SNX2: variants seen among roughly 807,000 people sequenced by gnomAD.
The protein encoded by SNX2 is sorting nexin 2.
SNX2 carries 25 observed loss-of-function variants against 69.9 expected under a neutral mutation model. That is an observed-to-expected ratio of 0.36 (90% CI 0.26 to 0.50). SNX2 has a LOEUF of 0.50. Among genes scored for constraint, SNX2 ranks in the 20% least tolerant of loss-of-function variants. SNX2 has a pLI of 0.97. For synonymous variants in SNX2, 229 were observed against 200.4 expected (o/e 1.14, Z -1.20); for missense variants, 551 against 613.3 (o/e 0.90, Z 1.07).
In SNX2 at chr5:122,779,434, C is replaced by T. The variant is rs147702587; in HGVS notation, c.108+4223C>T. Among the ~76,000 whole-genome samples the T allele has an allele frequency of 6.3e-4, 96 of 152,248 alleles. No homozygotes were observed. The East Asian group carries it at 0.015, about 23-fold the overall frequency. On this transcript the variant is annotated intron_variant, in intron 1 of 14. Transcript: ENST00000379516. ...TCGTATAATACATGGTCTTTTGTGACGGGCTTTTTTCCTTTAGTACAATGG... is the reference window on the plus strand; with the variant it reads ...TCGTATAATACATGGTCTTTTGTGATGGGCTTTTTTCCTTTAGTACAATGG...
intron 7 of SNX2, 103 bp from the exon 8 acceptor site, chr5:122,815,793 G>T: frequency 1.8e-6 from 1 of 557,764 alleles, no homozygotes; most frequent in Non-Finnish European, 3.2e-6. Flanking sequence ...ATACGAGGTA[G>T]TGAGGACACT....
In SNX2 at chr5:122,829,641, T is replaced by C; in HGVS notation, c.1553T>C (p.Ile518Thr). The stretch of plus-strand genomic sequence containing the variant: ...GCATTCCTACCTGAAGCCAAAGCCA[T>C]TGCCTAGCAATAAGATTGTTGCCGT... Reference protein sequence around the residue: ...WEAFLPEAKAIA With the variant: ...WEAFLPEAKATA The change falls in exon 15 of 15, where the codon ATT becomes ACT. Residue 518 changes from isoleucine to threonine, a missense_variant. Ile to Thr is a moderately conservative substitution (Grantham distance 89). This residue lies in a region of SNX2 where 360 missense variants were observed against 450.4 expected (regional missense o/e 0.80). Transcript: ENST00000379516. 6.2e-7 allele frequency: 1 copy of C among 1,613,278 alleles called. No homozygotes were observed. The highest frequency in any genetic ancestry group is 8.5e-7 in the Non-Finnish European group (1 of 1,179,244).
Position 122,830,943 on chromosome 5 carries a change from A to G in SNX2, c.*1295A>G, listed in dbSNP as rs1451407256. On this transcript the variant is annotated 3_prime_UTR_variant, in exon 15 of 15. Transcript: ENST00000379516. ...AGAATCGCTTGAACCAGGAAGGTGG[A>G]GGTTGCAGTGAGCCAAGATCATGCC... Among the ~76,000 whole-genome samples, 1 of 131,000 alleles carries G rather than the reference A, an allele frequency of 7.6e-6. No individual in the cohort carries two copies. The highest frequency in any genetic ancestry group is 1.6e-5 in the Non-Finnish European group (1 of 64,466). 85.9% of individuals were successfully genotyped at this position (131,000 alleles called of 152,430 possible). A position where few individuals can be genotyped will look rare whatever the true frequency, so the allele number is the denominator to read the frequency against.
rs1039529256 is a variant in SNX2 at position 122,831,943 on chromosome 5, T to C, written c.*2295T>C. Among the ~76,000 whole-genome samples, 1 of 152,214 alleles carries C rather than the reference T, an allele frequency of 6.6e-6. No homozygotes were observed. The highest frequency in any genetic ancestry group is 1.5e-5 in the Non-Finnish European group (1 of 68,024). Reference sequence around the variant, plus strand: ...AGTGTGCTGGAAATTTCAAGTATTATATGAGCCTCTGATACCTACCAGTAT... The same window carrying C: ...AGTGTGCTGGAAATTTCAAGTATTACATGAGCCTCTGATACCTACCAGTAT... On this transcript the variant is annotated 3_prime_UTR_variant, in exon 15 of 15. Transcript: ENST00000379516.
Position 122,775,199 on chromosome 5 carries a change from C to A in SNX2, c.96C>A (p.Val32=). The change falls in exon 1 of 15, where the codon GTC becomes GTA. Residue 32 remains valine (V), a synonymous_variant. Coordinates refer to ENST00000379516, the MANE Select transcript of SNX2 (RefSeq NM_003100.4). ...GAGAGGACCTGTTCACCAGCACTGTCTCCACCCTAGAGGTGAGACCGCGTC... is the reference window on the plus strand; with the variant it reads ...GAGAGGACCTGTTCACCAGCACTGTATCCACCCTAGAGGTGAGACCGCGTC... The part of the protein sequence containing the change: ...EDGEDLFTST[V]STLESSPSSP... The A allele has an allele frequency of 6.3e-7, 1 of 1,580,108 alleles. No individual in the cohort carries two copies. The highest frequency in any genetic ancestry group is 8.6e-7 in the Non-Finnish European group (1 of 1,164,464).
At chr5:122,806,113 C>CGTGTGTGTGTGTGTGT (rs767764868) in intron 6 of SNX2, among the ~76,000 whole-genome samples, 2 of 117,332 alleles carry the variant, frequency 1.7e-5, no homozygotes, top group Admixed American at 8.8e-5. Context: ...TGTGTGTGTG[C>CGTGTGTGTGTGTGTGT]GTGTGTGTAT....
intron 1 of SNX2, among the ~76,000 whole-genome samples, chr5:122,778,551 C>G (rs1380877327): frequency 2.6e-5 from 4 of 152,012 alleles, no homozygotes; most frequent in African/African-American, 9.7e-5. Flanking sequence ...CTCTGTCACC[C>G]AGGGTGGAGT....
At chr5:122,779,311 C>T (rs760305080) in intron 1 of SNX2, among the ~76,000 whole-genome samples, 11 of 152,150 alleles carry the variant, frequency 7.2e-5, no homozygotes, top group African/African-American at 1.2e-4. Context: ...TATCATCCCA[C>T]GCCTTAATTC....
intron 1 of SNX2, among the ~76,000 whole-genome samples, chr5:122,779,829 C>G (rs973176811): frequency 6.6e-6 from 1 of 152,084 alleles, no homozygotes; most frequent in Non-Finnish European, 1.5e-5. Context: ...CTGCTCCTAT[C>G]AACCCATCAC....
chr5:122,781,824 A>G (rs138609200), intron 1 of SNX2, among the ~76,000 whole-genome samples: 48 of 152,182 alleles, frequency 3.2e-4, no homozygotes, highest in African/African-American at 9.6e-4. Context: ...ATATATACCT[A>G]TGTAAAGATT....
At position 122,815,259 on chromosome 5, in the gene SNX2, A is replaced by G. The variant is rs955682123; in HGVS notation, c.723-637A>G. On this transcript the variant is annotated intron_variant, in intron 7 of 14. Coordinates refer to ENST00000379516, the MANE Select transcript of SNX2 (RefSeq NM_003100.4). ...GTGGTATTCGTTTATTTGATTTTGT[A>G]TGGTATCAAATTAGATAAGACATTT... 2.0e-5 allele frequency among the ~76,000 whole-genome samples: 3 copies of G among 152,130 alleles called. No homozygotes were observed. The East Asian group carries it at 5.8e-4, about 29-fold the overall frequency.
At chr5:122,777,761 T>G (rs1285242968) in intron 1 of SNX2, among the ~76,000 whole-genome samples, 1 of 152,246 alleles carries the variant, frequency 6.6e-6, no homozygotes, top group East Asian at 1.9e-4. Flanking sequence ...TTTCAGTACC[T>G]GTGTACAATG....
At chr5:122,775,323 G>A (rs1174912867) in intron 1 of SNX2, 112 bp downstream of exon 1, 33 of 1,415,644 alleles carry the variant, frequency 2.3e-5, no homozygotes, top group Middle Eastern at 4.0e-4. Context: ...CCGTCTTGGG[G>A]TGACACCTGT....
Position 122,827,557 on chromosome 5 carries a change from T to A in SNX2, c.1438-18T>A. 6.2e-7 allele frequency: 1 copy of A among 1,611,090 alleles called. No homozygotes were observed. The highest frequency in any genetic ancestry group is 1.1e-5 in the South Asian group (1 of 90,920). ...TTTAGCTTTCTACTAACGGACTTTT[T>A]AAAATGTACTTCAACAGAAAGAACG... On this transcript the variant is annotated intron_variant, in intron 13 of 14. Transcript: ENST00000379516.
intron 6 of SNX2, among the ~76,000 whole-genome samples, chr5:122,805,323 A>AT (rs1309818732): frequency 1.4e-5 from 2 of 147,792 alleles, no homozygotes; most frequent in Non-Finnish European, 3.0e-5. Context: ...TTGCTGATTT[A>AT]TTTTTTCCCC....
intron 1 of SNX2, among the ~76,000 whole-genome samples, chr5:122,790,652 G>GA (rs940192713): frequency 2.5e-4 from 38 of 151,824 alleles, no homozygotes; most frequent in Non-Finnish European, 4.4e-4. Context: ...TGGTTGGGCA[G>GA]AAAAAAAATG....
intron 7 of SNX2, among the ~76,000 whole-genome samples, chr5:122,812,076 GTTAA>G (rs1753791429): frequency 6.6e-6 from 1 of 152,178 alleles, no homozygotes; most frequent in Non-Finnish European, 1.5e-5. Flanking sequence ...GTCCAAAGGT[GTTAA>G]TTAACTGCAG....
At chr5:122,811,242 G>A (rs1753769478) in intron 7 of SNX2, among the ~76,000 whole-genome samples, 1 of 152,112 alleles carries the variant, frequency 6.6e-6, no homozygotes, top group Non-Finnish European at 1.5e-5. Flanking sequence ...GAAAAGGAGT[G>A]GTTAAATACC....
chr5:122,826,035 G>A lies in SNX2; in HGVS notation c.1213-15G>A, dbSNP rs535115122. The A allele has an allele frequency of 6.8e-6, 11 of 1,608,710 alleles. No individual in the cohort carries two copies. In the East Asian group the frequency reaches 2.5e-4, roughly 36 times the overall value. ...TGTTACTCTTACTTAATAGCATTAT[G>A]TCATTCACTTATAGGGTGTGTTTGA... On this transcript the variant is annotated splice_polypyrimidine_tract_variant and intron_variant, in intron 11 of 14. Coordinates refer to ENST00000379516, the MANE Select transcript of SNX2 (RefSeq NM_003100.4).
Sources: allele counts gnomAD v4.1 joint callset (sites outside exome capture counted in the v4.1 genomes callset), GRCh38; gene constraint gnomAD v4.1.1; regional missense constraint gnomAD v4.1.1; transcripts MANE v1.5; gene names NCBI Gene and HGNC (gene_info 2026-07-23, HGNC 2026-07-21).